The following IQCM variants were observed in gnomAD, a reference collection of about 807,000 sequenced individuals.
IQCM encodes the protein IQ motif containing M.
IQCM carries 45 observed loss-of-function variants against 57.6 expected under a neutral mutation model. The ratio of observed to expected loss-of-function variants is 0.78; its 90% CI spans 0.62 to 1.00. The LOEUF (loss-of-function observed/expected upper bound fraction) is 1.00, where lower values mean the gene tolerates loss of function less well. IQCM is among the 50% of genes least tolerant of loss of function. The probability of loss-of-function intolerance (pLI) is 0.00; values close to 1 mark genes in which losing one functional copy is unlikely to be tolerated. For missense variants in IQCM, 468 were observed against 511.6 expected, an observed-to-expected ratio of 0.91 and a Z score of 0.82; for synonymous variants, 148 against 158.9, an observed-to-expected ratio of 0.93 and a Z score of 0.51.
At position 149,671,062 on chromosome 4, in the gene IQCM, T is replaced by C. The variant is rs553732640; in HGVS notation, c.565+11056A>G. Among the ~76,000 whole-genome samples the C allele has an allele frequency of 1.5e-3, 228 of 152,234 alleles. 1 individual carries two copies. Among genetic ancestry groups the C allele is most frequent in the African/African-American group, 5.3e-3 (221 of 41,556 alleles). On this transcript the variant is annotated intron_variant, in intron 7 of 13. Coordinates refer to ENST00000636793, the MANE Select transcript of IQCM (RefSeq NM_001363507.2). ...ATTGGAAGAGTTTCAGAAGGAATGCTACCAGCTCCTATTTGTACCTCTGGT... is the reference window on the plus strand; with the variant it reads ...ATTGGAAGAGTTTCAGAAGGAATGCCACCAGCTCCTATTTGTACCTCTGGT...
chr4:149,588,351 G>A (rs1226043669), intron 8 of IQCM, among the ~76,000 whole-genome samples: 1 of 151,544 alleles, frequency 6.6e-6, no homozygotes, highest in African/African-American at 2.4e-5. Flanking sequence ...TATGCAAAAG[G>A]GAAATAAAAT....
intron 5 of IQCM, among the ~76,000 whole-genome samples, chr4:149,692,053 A>G (rs1762978204): frequency 6.6e-6 from 1 of 152,150 alleles, no homozygotes; most frequent in Non-Finnish European, 1.5e-5. Flanking sequence ...TATATTTTCC[A>G]TACCCCTTTA....
chr4:149,710,999 A>C (rs185887708), intron 5 of IQCM: 53 of 152,326 alleles, frequency 3.5e-4, no homozygotes, highest in Admixed American at 2.5e-3. Flanking sequence ...ACTTGGGGAC[A>C]TCTTTGGAAG....
At chr4:149,768,705 C>T (rs573655159) in intron 2 of IQCM, among the ~76,000 whole-genome samples, 3 of 152,054 alleles carry the variant, frequency 2.0e-5, no homozygotes, top group Admixed American at 2.0e-4. Flanking sequence ...TACTCAACAA[C>T]AGGAGCACTT....
chr4:149,390,002 A>G (rs1731732660), intron 13 of IQCM, among the ~76,000 whole-genome samples: 1 of 151,330 alleles, frequency 6.6e-6, no homozygotes, highest in South Asian at 2.1e-4. Context: ...GAATTTCTAG[A>G]AAAAAAAACT....
intron 3 of IQCM, among the ~76,000 whole-genome samples, chr4:149,738,309 G>A (rs555904301): frequency 6.6e-6 from 1 of 152,278 alleles, no homozygotes; most frequent in South Asian, 2.1e-4. Context: ...CCTGACACTT[G>A]CATTTTAAGC....
At chr4:149,532,572 CACTAGAGG>C (rs1553990049) in intron 12 of IQCM, among the ~76,000 whole-genome samples, 1 of 141,672 alleles carries the variant, frequency 7.1e-6, no homozygotes, top group Non-Finnish European at 1.5e-5. Flanking sequence ...TTCTTTTTAT[CACTAGAGG>C]ACTATGTGGG....
At chr4:149,454,914 A>T (rs1737523290) in intron 12 of IQCM, among the ~76,000 whole-genome samples, 2 of 151,952 alleles carry the variant, frequency 1.3e-5, no homozygotes, top group South Asian at 4.1e-4. Context: ...TTATGTTTGC[A>T]ATGAAGAAAA....
chr4:149,671,323 G>T lies in IQCM; in HGVS notation c.565+10795C>A, dbSNP rs549516444. Among the ~76,000 whole-genome samples, 4 of 152,182 alleles carry T rather than the reference G, an allele frequency of 2.6e-5. No individual in the cohort carries two copies. In the South Asian group the frequency reaches 6.2e-4, roughly 24 times the overall value. On this transcript the variant is annotated intron_variant, in intron 7 of 13. Transcript: ENST00000636793. ...AGTTTGTATTTCTGTGGGATTGGTG[G>T]TGATATCCCCTTTATCATTTTTTAT...
intron 8 of IQCM, among the ~76,000 whole-genome samples, chr4:149,597,421 C>T (rs1357148566): frequency 4.6e-5 from 7 of 152,052 alleles, no homozygotes; most frequent in Non-Finnish European, 1.0e-4. Flanking sequence ...GATAGAGTCT[C>T]GCTCTGCTGC....
intron 12 of IQCM, among the ~76,000 whole-genome samples, chr4:149,435,339 G>T (rs960084164): frequency 6.6e-6 from 1 of 151,928 alleles, no homozygotes; most frequent in Non-Finnish European, 1.5e-5. Flanking sequence ...ATACAAAACG[G>T]AGCTAAAATG....
chr4:149,524,802 A>G (rs1407412213), intron 12 of IQCM, among the ~76,000 whole-genome samples: 1 of 151,796 alleles, frequency 6.6e-6, no homozygotes, highest in African/African-American at 2.4e-5. Flanking sequence ...ATAAGAATGA[A>G]AAGAGACATA....
chr4:149,694,904 T>C (rs1435855645), intron 5 of IQCM, among the ~76,000 whole-genome samples: 1 of 152,240 alleles, frequency 6.6e-6, no homozygotes, highest in Non-Finnish European at 1.5e-5. Context: ...AATCATAAAA[T>C]GGTTTTCTCA....
chr4:149,396,646 A>G (rs1206859012), intron 13 of IQCM, among the ~76,000 whole-genome samples: 4 of 152,026 alleles, frequency 2.6e-5, no homozygotes, highest in Non-Finnish European at 5.9e-5. Context: ...CTATAGGTAC[A>G]GTGGATCTCT....
chr4:149,501,214 G>C (rs921069983), intron 12 of IQCM, among the ~76,000 whole-genome samples: 2 of 152,090 alleles, frequency 1.3e-5, no homozygotes. Context: ...CCACTAAGGA[G>C]CTGCAGAAAT....
At chr4:149,695,558 AACAG>A (rs752041274) in intron 5 of IQCM, among the ~76,000 whole-genome samples, 1 of 152,198 alleles carries the variant, frequency 6.6e-6, no homozygotes, top group Non-Finnish European at 1.5e-5. Flanking sequence ...GGTTTGAAGA[AACAG>A]ACAGCAATGA....
At chr4:149,430,988 G>A (rs1166874246) in intron 13 of IQCM, among the ~76,000 whole-genome samples, 4 of 151,850 alleles carry the variant, frequency 2.6e-5, no homozygotes, top group Admixed American at 6.6e-5. Flanking sequence ...ATCACTTGAG[G>A]TCAGGAGTTT....
At chr4:149,458,925 A>G (rs1737985589) in intron 12 of IQCM, among the ~76,000 whole-genome samples, 1 of 152,158 alleles carries the variant, frequency 6.6e-6, no homozygotes. Flanking sequence ...GCAGCCATCC[A>G]GTCTAGTAAA....
intron 12 of IQCM, among the ~76,000 whole-genome samples, chr4:149,537,205 A>G (rs923684132): frequency 6.6e-6 from 1 of 151,924 alleles, no homozygotes; most frequent in Non-Finnish European, 1.5e-5. Flanking sequence ...TAATTATTAT[A>G]CATTATATTT....
Sources: allele counts gnomAD v4.1 joint callset (sites outside exome capture counted in the v4.1 genomes callset), GRCh38; gene constraint gnomAD v4.1.1; transcripts MANE v1.5; gene names NCBI Gene and HGNC (gene_info 2026-07-23, HGNC 2026-07-21).